Variants in CLNK observed in about 807,000 individuals in gnomAD.
CLNK encodes the protein cytokine-dependent hematopoietic cell linker.
A neutral mutation model predicts 68.6 loss-of-function variants in CLNK; 74 were observed. The ratio of observed to expected loss-of-function variants is 1.08; its 90% CI spans 0.89 to 1.31. The LOEUF (loss-of-function observed/expected upper bound fraction) is 1.31. CLNK is among the 50% of genes most tolerant of loss of function. CLNK has a pLI of 0.00. For synonymous variants in CLNK, 198 were observed against 172.2 expected, an observed-to-expected ratio of 1.15 and a Z score of -1.17; for missense variants, 553 against 515.3, an observed-to-expected ratio of 1.07 and a Z score of -0.71.
intron 17 of CLNK, among the ~76,000 whole-genome samples, chr4:10,501,987 G>A (rs772822457): frequency 1.3e-5 from 2 of 152,174 alleles, no homozygotes; most frequent in Non-Finnish European, 2.9e-5. Flanking sequence ...CCTGGGCATA[G>A]TGCTCATGAA....
intron 11 of CLNK, among the ~76,000 whole-genome samples, chr4:10,536,991 T>C (rs1164481696): frequency 6.6e-6 from 1 of 152,196 alleles, no homozygotes; most frequent in Non-Finnish European, 1.5e-5. Context: ...TTGTGGTGGA[T>C]GTATTCCTCG....
the CLNK span, among the ~76,000 whole-genome samples, chr4:10,731,960 G>A: frequency 6.6e-6 from 1 of 152,310 alleles, no homozygotes; most frequent in Non-Finnish European, 1.5e-5. Context: ...CTAGTGAGTA[G>A]TGTTTGCTGA....
At chr4:10,610,186 A>T (rs1721956890) in intron 2 of CLNK, among the ~76,000 whole-genome samples, 1 of 149,666 alleles carries the variant, frequency 6.7e-6, no homozygotes, top group Non-Finnish European at 1.5e-5. Flanking sequence ...CCTCCCGAGT[A>T]GCTGGGACTA....
chr4:10,694,130 A>G, the CLNK span, among the ~76,000 whole-genome samples: 5 of 151,926 alleles, frequency 3.3e-5, no homozygotes, highest in Admixed American at 6.6e-5. Context: ...TGAGGATCCT[A>G]CAATTGCCAC....
At chr4:10,558,516 G>C in intron 7 of CLNK, 64 bp from the exon 8 acceptor site, 1 of 1,468,692 alleles carries the variant, frequency 6.8e-7, no homozygotes, top group Non-Finnish European at 9.5e-7. Flanking sequence ...CTGATGTCTT[G>C]ACACTCTCTG....
chr4:10,601,191 G>A (rs1721579891), intron 2 of CLNK, among the ~76,000 whole-genome samples: 2 of 152,240 alleles, frequency 1.3e-5, no homozygotes, highest in East Asian at 1.9e-4. Context: ...GTAGAACCAG[G>A]GCTACACATC....
chr4:10,580,928 T>A (rs945396161), intron 4 of CLNK, among the ~76,000 whole-genome samples: 12 of 152,222 alleles, frequency 7.9e-5, no homozygotes, highest in African/African-American at 2.9e-4. Flanking sequence ...GATCAAGCCT[T>A]CGCATTCACT....
the CLNK span, among the ~76,000 whole-genome samples, chr4:10,718,851 T>A: frequency 6.6e-6 from 1 of 151,968 alleles, no homozygotes; most frequent in Non-Finnish European, 1.5e-5. Context: ...TAAATGTATA[T>A]AAAGGAAATA....
chr4:10,733,749 G>A, the CLNK span, among the ~76,000 whole-genome samples: 2 of 152,182 alleles, frequency 1.3e-5, no homozygotes, highest in Non-Finnish European at 2.9e-5. Flanking sequence ...TTTGTCCAGA[G>A]ATGCTTTTAT....
At chr4:10,621,639 G>GTTA (rs1014330134) in intron 2 of CLNK, among the ~76,000 whole-genome samples, 3 of 152,168 alleles carry the variant, frequency 2.0e-5, no homozygotes, top group African/African-American at 7.2e-5. Context: ...ATTTATTGTT[G>GTTA]TTATTTATTA....
intron 15 of CLNK, among the ~76,000 whole-genome samples, chr4:10,514,968 G>A (rs1293176453): frequency 3.3e-5 from 5 of 152,230 alleles, no homozygotes; most frequent in Non-Finnish European, 5.9e-5. Flanking sequence ...CGGGTGTGGT[G>A]GCTCATGCCT....
Position 10,507,966 on chromosome 4 carries a change from T to TAGAAGGCATTA in CLNK, c.976_977insTAATGCCTTCT (p.Glu326ValfsTer38). On this transcript the variant is annotated frameshift_variant, in exon 17 of 19. Coordinates refer to ENST00000226951, the MANE Select transcript of CLNK (RefSeq NM_052964.4). LOFTEE classifies it high-confidence loss of function. ...CCACGTAGAAGGCATTACCTTGTTC[T>TAGAAGGCATTA]CCTTCATGAATGCCTCTTCCACTGC... The TAGAAGGCATTA allele has an allele frequency of 6.2e-7, 1 of 1,605,622 alleles. No individual in the cohort carries two copies. The highest frequency in any genetic ancestry group is 2.2e-5 in the East Asian group (1 of 44,784).
At chr4:10,575,733 G>A (rs553292372) in intron 4 of CLNK, among the ~76,000 whole-genome samples, 8 of 152,374 alleles carry the variant, frequency 5.3e-5, no homozygotes, top group African/African-American at 1.9e-4. Context: ...AGACCCCAAG[G>A]CCCATGGGGA....
chr4:10,537,452 T>G (rs909556727), intron 11 of CLNK, among the ~76,000 whole-genome samples: 3 of 152,082 alleles, frequency 2.0e-5, no homozygotes, highest in African/African-American at 7.2e-5. Context: ...CACTCCAGCC[T>G]GGGCAATAGA....
intron 2 of CLNK, among the ~76,000 whole-genome samples, chr4:10,638,491 C>A (rs1723183308): frequency 6.6e-6 from 1 of 152,142 alleles, no homozygotes; most frequent in Non-Finnish European, 1.5e-5. Context: ...AGTCTAGGAA[C>A]TAGAATTTGT....
At chr4:10,548,754 T>C (rs771017631) in intron 8 of CLNK, among the ~76,000 whole-genome samples, 5 of 152,236 alleles carry the variant, frequency 3.3e-5, no homozygotes, top group Non-Finnish European at 4.4e-5. Flanking sequence ...CATTAATATC[T>C]AGTCTCTCCA....
chr4:10,681,208 A>G (rs1323548971), intron 1 of CLNK, among the ~76,000 whole-genome samples: 1 of 152,186 alleles, frequency 6.6e-6, no homozygotes, highest in Non-Finnish European at 1.5e-5. Context: ...TTATAATTTG[A>G]GTACACTTGA....
chr4:10,663,780 C>T (rs1330410418), intron 2 of CLNK, among the ~76,000 whole-genome samples: 1 of 152,032 alleles, frequency 6.6e-6, no homozygotes, highest in East Asian at 1.9e-4. Context: ...AGCTAATCAC[C>T]AAGGTAAGGG....
At chr4:10,720,229 A>C in the CLNK span, among the ~76,000 whole-genome samples, 1 of 152,174 alleles carries the variant, frequency 6.6e-6, no homozygotes, top group Non-Finnish European at 1.5e-5. Flanking sequence ...CACAAAATAT[A>C]TTACAGAAAA....
Sources: allele counts gnomAD v4.1 joint callset (sites outside exome capture counted in the v4.1 genomes callset), GRCh38; gene constraint gnomAD v4.1.1; transcripts MANE v1.5; gene names NCBI Gene and HGNC (gene_info 2026-07-23, HGNC 2026-07-21).